GRM7: variants seen among roughly 807,000 people sequenced by gnomAD.
GRM7 encodes glutamate metabotropic receptor 7, also known as metabotropic glutamate receptor 7.
A neutral mutation model predicts 84.5 loss-of-function variants in GRM7; 35 were observed. The ratio of observed to expected loss-of-function variants is 0.41; its 90% CI spans 0.32 to 0.55. GRM7 has a LOEUF of 0.55. Ranked by LOEUF, GRM7 falls within the 20% of genes least tolerant of loss-of-function variation. The pLI is 0.19. For synonymous variants in GRM7, 487 were observed against 455.1 expected (o/e 1.07, Z -0.89); for missense variants, 1,003 against 1,194.6 (o/e 0.84, Z 2.36).
At chr3:7,556,792 T>C (rs1693784821) in intron 7 of GRM7, among the ~76,000 whole-genome samples, 1 of 152,144 alleles carries the variant, frequency 6.6e-6, no homozygotes, top group Non-Finnish European at 1.5e-5. Flanking sequence ...AGGAATGGTA[T>C]CCTTGAAGAA....
chr3:7,269,636 G>A (rs967473192), intron 2 of GRM7, among the ~76,000 whole-genome samples: 13 of 152,194 alleles, frequency 8.5e-5, no homozygotes, highest in Non-Finnish European at 1.5e-4. Flanking sequence ...GCCTTAGGGT[G>A]CCAGGCTGGT....
At chr3:7,573,836 A>G (rs946857854) in intron 7 of GRM7, among the ~76,000 whole-genome samples, 1 of 152,202 alleles carries the variant, frequency 6.6e-6, no homozygotes, top group African/African-American at 2.4e-5. Flanking sequence ...CCTACTATCC[A>G]CGTAAGAATT....
At chr3:7,408,146 A>G (rs1271302747) in intron 4 of GRM7, among the ~76,000 whole-genome samples, 2 of 152,206 alleles carry the variant, frequency 1.3e-5, no homozygotes, top group African/African-American at 2.4e-5. Context: ...TTCTAGTTTC[A>G]GAGTCTGCTT....
chr3:7,331,908 A>T (rs1279903779), intron 4 of GRM7, among the ~76,000 whole-genome samples: 1 of 152,162 alleles, frequency 6.6e-6, no homozygotes, highest in Non-Finnish European at 1.5e-5. Flanking sequence ...GAAGTAGCAA[A>T]ACCTGAAGTA....
At chr3:7,183,051 A>G (rs1018759175) in intron 2 of GRM7, among the ~76,000 whole-genome samples, 3 of 152,146 alleles carry the variant, frequency 2.0e-5, no homozygotes, top group African/African-American at 7.2e-5. Flanking sequence ...GGGCATCAAA[A>G]TGAATTATGA....
chr3:7,518,012 G>A (rs556078182), intron 7 of GRM7, among the ~76,000 whole-genome samples: 2 of 152,180 alleles, frequency 1.3e-5, no homozygotes, highest in African/African-American at 4.8e-5. Context: ...AGAGGACTTG[G>A]TTGGGGTGGC....
chr3:7,536,766 A>G (rs184901328), intron 7 of GRM7, among the ~76,000 whole-genome samples: 2 of 152,266 alleles, frequency 1.3e-5, no homozygotes, highest in Admixed American at 1.3e-4. Context: ...TTCAGCCCCA[A>G]TTCAACATTC....
intron 9 of GRM7, among the ~76,000 whole-genome samples, chr3:7,701,551 C>G (rs1701230393): frequency 6.6e-6 from 1 of 152,036 alleles, no homozygotes; most frequent in South Asian, 2.1e-4. Context: ...GATCCACTCG[C>G]CTCGGCCCCC....
chr3:7,233,238 T>C (rs963684), intron 2 of GRM7, among the ~76,000 whole-genome samples: 68,372 of 151,998 alleles, frequency 0.45, 15,919 homozygotes, highest in Admixed American at 0.57. Flanking sequence ...AAGCCCAATT[T>C]ATGTAATCTG....
intron 7 of GRM7, among the ~76,000 whole-genome samples, chr3:7,485,287 T>G (rs576358140): frequency 3.3e-5 from 5 of 152,322 alleles, no homozygotes; most frequent in Admixed American, 6.5e-5. Flanking sequence ...TGCCTTCATT[T>G]AAGTTAACTG....
chr3:7,248,279 C>T (rs903607541), intron 2 of GRM7, among the ~76,000 whole-genome samples: 1 of 152,054 alleles, frequency 6.6e-6, no homozygotes, highest in African/African-American at 2.4e-5. Context: ...GAATACTACT[C>T]AACAGTAGAA....
intron 1 of GRM7, among the ~76,000 whole-genome samples, chr3:7,111,307 A>G (rs1012892975): frequency 2.0e-5 from 3 of 152,120 alleles, no homozygotes; most frequent in African/African-American, 7.2e-5. Context: ...TGAAAAAATG[A>G]ATTGAAAGTA....
At chr3:7,412,571 C>A (rs1473221052) in intron 4 of GRM7, among the ~76,000 whole-genome samples, 2 of 152,120 alleles carry the variant, frequency 1.3e-5, no homozygotes, top group East Asian at 3.9e-4. Context: ...GGCAGCAACC[C>A]AGTTAAAAGA....
intron 5 of GRM7, among the ~76,000 whole-genome samples, chr3:7,430,322 GT>G (rs559355759): frequency 2.0e-4 from 31 of 152,306 alleles, no homozygotes; most frequent in Middle Eastern, 3.4e-3. Flanking sequence ...CTTCTAAGAT[GT>G]TTGGCAAGGA....
chr3:7,628,942 C>T (rs557145746), intron 8 of GRM7, among the ~76,000 whole-genome samples: 3 of 152,314 alleles, frequency 2.0e-5, no homozygotes, highest in East Asian at 1.9e-4. Context: ...TGTTCACTCT[C>T]TACTGCTATC....
chr3:7,215,488 C>T (rs986144781), intron 2 of GRM7, among the ~76,000 whole-genome samples: 1 of 151,944 alleles, frequency 6.6e-6, no homozygotes, highest in African/African-American at 2.4e-5. Context: ...CACAGTGAAA[C>T]CCCGTCTCTA....
At chr3:7,670,175 G>A (rs1293608905) in intron 8 of GRM7, among the ~76,000 whole-genome samples, 1 of 152,166 alleles carries the variant, frequency 6.6e-6, no homozygotes, top group East Asian at 1.9e-4. Flanking sequence ...TGCCACAGTG[G>A]TGATCATGGA....
At chr3:7,076,652 C>T (rs1002035505) in intron 1 of GRM7, among the ~76,000 whole-genome samples, 2 of 152,040 alleles carry the variant, frequency 1.3e-5, no homozygotes, top group South Asian at 2.1e-4. Flanking sequence ...CCCAATGGAG[C>T]GCTGTAAACA....
intron 1 of GRM7, among the ~76,000 whole-genome samples, chr3:6,994,752 T>G (rs1043133628): frequency 9.9e-5 from 15 of 152,224 alleles, no homozygotes; most frequent in African/African-American, 3.6e-4. Context: ...AATATCTTTT[T>G]AGTAATTGTA....
Sources: gnomAD v4.1 joint callset for allele counts (sites outside exome capture counted in the v4.1 genomes callset) on GRCh38, gnomAD v4.1.1 for gene constraint, MANE v1.5 for transcripts, NCBI Gene and HGNC (gene_info 2026-07-23, HGNC 2026-07-21) for gene names.